PELI2: variants seen among roughly 807,000 people sequenced by gnomAD.
The protein encoded by PELI2 is E3 ubiquitin-protein ligase pellino homolog 2.
A neutral mutation model predicts 42.3 loss-of-function variants in PELI2; 23 were observed. That is an observed-to-expected ratio of 0.54 (90% CI 0.39 to 0.77). The LOEUF is 0.77. PELI2 is among the 30% of genes least tolerant of loss of function. PELI2 has a pLI of 0.00. For synonymous variants in PELI2, 245 were observed against 212.2 expected (o/e 1.15, Z -1.34); for missense variants, 463 against 553.2 (o/e 0.84, Z 1.64).
intron 2 of PELI2, among the ~76,000 whole-genome samples, chr14:56,231,402 A>G (rs539636959): frequency 6.6e-6 from 1 of 152,350 alleles, no homozygotes; most frequent in East Asian, 1.9e-4. Context: ...AATTATAACA[A>G]ACTGTCTGTC....
intron 2 of PELI2, among the ~76,000 whole-genome samples, chr14:56,249,863 T>C (rs1888283393): frequency 6.6e-6 from 1 of 152,210 alleles, no homozygotes; most frequent in Non-Finnish European, 1.5e-5. Context: ...ATGCCTAGCA[T>C]GCGTCATGCG....
intron 1 of PELI2, among the ~76,000 whole-genome samples, chr14:56,163,953 C>T (rs1290410300): frequency 1.3e-5 from 2 of 152,010 alleles, no homozygotes; most frequent in East Asian, 1.9e-4. Context: ...TAATAGTTTT[C>T]TTGTAGTCTT....
intron 1 of PELI2, 42 bp downstream of exon 1, chr14:56,118,779 G>A (rs368271454): frequency 4.5e-5 from 60 of 1,329,918 alleles, no homozygotes; most frequent in Non-Finnish European, 5.5e-5. Flanking sequence ...GGCGCGGGCG[G>A]GGAGCGCCCG....
At chr14:56,242,772 T>C (rs1249276951) in intron 2 of PELI2, among the ~76,000 whole-genome samples, 1 of 152,234 alleles carries the variant, frequency 6.6e-6, no homozygotes, top group Middle Eastern at 3.2e-3. Context: ...AATTATCGTA[T>C]GTTCTCAGTT....
chr14:56,195,225 C>A (rs557877163), intron 2 of PELI2, among the ~76,000 whole-genome samples: 1 of 152,188 alleles, frequency 6.6e-6, no homozygotes, highest in Non-Finnish European at 1.5e-5. Flanking sequence ...GGATCCCCAA[C>A]CCCCTTCAAA....
At chr14:56,151,237 T>G (rs1430303827) in intron 1 of PELI2, among the ~76,000 whole-genome samples, 1 of 152,184 alleles carries the variant, frequency 6.6e-6, no homozygotes, top group African/African-American at 2.4e-5. Context: ...ATTCTCTTAT[T>G]GCTCCCTCCC....
At chr14:56,146,880 A>G (rs898220408) in intron 1 of PELI2, among the ~76,000 whole-genome samples, 1 of 151,602 alleles carries the variant, frequency 6.6e-6, no homozygotes, top group African/African-American at 2.4e-5. Context: ...ACATTACTTT[A>G]TATGTTCATC....
intron 4 of PELI2, among the ~76,000 whole-genome samples, chr14:56,289,873 CAGTG>C (rs1449582980): frequency 1.3e-5 from 2 of 152,154 alleles, no homozygotes; most frequent in African/African-American, 4.8e-5. Flanking sequence ...TCTATCCTGA[CAGTG>C]AGAACATAGA....
chr14:56,282,078 A>G (rs536144163), intron 3 of PELI2, among the ~76,000 whole-genome samples: 2 of 152,234 alleles, frequency 1.3e-5, no homozygotes, highest in East Asian at 3.9e-4. Context: ...AGATATCCTT[A>G]CCTACATGCG....
At position 56,132,616 on chromosome 14, in the gene PELI2, G is replaced by A. The variant is rs147940772; in HGVS notation, c.77+13879G>A. On this transcript the variant is annotated intron_variant, in intron 1 of 5. Coordinates refer to ENST00000267460, the MANE Select transcript of PELI2 (RefSeq NM_021255.3). ...AAAGGGTCAGAGGGTGCCTGCCCCTGTTTTTCCTGTTACCTCCATTCAGAT... is the reference window on the plus strand; with the variant it reads ...AAAGGGTCAGAGGGTGCCTGCCCCTATTTTTCCTGTTACCTCCATTCAGAT... 1.5e-3 allele frequency among the ~76,000 whole-genome samples: 227 copies of A among 152,180 alleles called. 1 individual carries two copies. The highest frequency in any genetic ancestry group is 5.1e-3 in the African/African-American group (211 of 41,542).
Position 56,118,733 on chromosome 14 carries a change from C to A in PELI2, c.73C>A (p.Leu25Ile). The change falls in exon 1 of 6, where the codon CTC (leucine) becomes ATC (isoleucine). Residue 25 changes from leucine to isoleucine, a missense_variant. This residue lies in a region of PELI2 where 343 missense variants were observed against 378.4 expected (regional missense o/e 0.91). Transcript: ENST00000267460. ...EPVKYGELVV[L>I]GYNGALPNGD... ...AGTGAAATACGGGGAGCTGGTGGTG[C>A]TCGGGTGAGTCCTGGGGTCCCTGGT... 8.5e-6 allele frequency: 13 copies of A among 1,524,168 alleles called. No individual in the cohort carries two copies. Among genetic ancestry groups the A allele is most frequent in the Non-Finnish European group, 1.1e-5 (12 of 1,133,892 alleles). 94.4% of individuals were successfully genotyped at this position (1,524,168 alleles called of 1,614,324 possible). A position where few individuals can be genotyped will look rare whatever the true frequency, so the allele number is the denominator to read the frequency against.
At chr14:56,261,793 G>T (rs1169501037) in intron 2 of PELI2, among the ~76,000 whole-genome samples, 2 of 152,132 alleles carry the variant, frequency 1.3e-5, no homozygotes, top group African/African-American at 4.8e-5. Context: ...TGGTTATTAA[G>T]GTGTATATAT....
chr14:56,287,504 T>C (rs903377005), intron 3 of PELI2, among the ~76,000 whole-genome samples: 2 of 152,196 alleles, frequency 1.3e-5, no homozygotes, highest in African/African-American at 4.8e-5. Context: ...TAATTTAGAT[T>C]TTACATTGCA....
intron 2 of PELI2, among the ~76,000 whole-genome samples, chr14:56,198,023 T>G (rs531655955): frequency 6.8e-6 from 1 of 146,118 alleles, no homozygotes. Flanking sequence ...CCCACCTCTT[T>G]GGTCCACTTC....
At chr14:56,137,675 G>A (rs1302292729) in intron 1 of PELI2, among the ~76,000 whole-genome samples, 2 of 152,126 alleles carry the variant, frequency 1.3e-5, no homozygotes, top group African/African-American at 4.8e-5. Context: ...GCTCTAATTT[G>A]ACCATCAGTT....
chr14:56,221,351 T>C (rs756814362), intron 2 of PELI2, among the ~76,000 whole-genome samples: 2 of 152,158 alleles, frequency 1.3e-5, no homozygotes, highest in Non-Finnish European at 2.9e-5. Context: ...GGACCTGCAG[T>C]GTTGGCAGCA....
At chr14:56,134,690 T>C (rs1158962869) in intron 1 of PELI2, among the ~76,000 whole-genome samples, 2 of 152,176 alleles carry the variant, frequency 1.3e-5, no homozygotes, top group African/African-American at 4.8e-5. Flanking sequence ...GCTGGAGTGA[T>C]AACCGTGAAA....
chr14:56,172,927 T>A (rs186887326), intron 1 of PELI2, among the ~76,000 whole-genome samples: 1 of 152,356 alleles, frequency 6.6e-6, no homozygotes, highest in Non-Finnish European at 1.5e-5. Context: ...GTCCTGGTCC[T>A]TATGCTTGTG....
chr14:56,271,968 C>T (rs1889122194), intron 2 of PELI2, among the ~76,000 whole-genome samples: 1 of 152,162 alleles, frequency 6.6e-6, no homozygotes, highest in Non-Finnish European at 1.5e-5. Flanking sequence ...AGAAGAGCAC[C>T]ACGTTCAGAT....
Sources: gnomAD v4.1 joint callset for allele counts (sites outside exome capture counted in the v4.1 genomes callset) on GRCh38, gnomAD v4.1.1 for gene constraint, gnomAD v4.1.1 regional missense constraint, MANE v1.5 for transcripts, NCBI Gene and HGNC (gene_info 2026-07-23, HGNC 2026-07-21) for gene names.